Variants in ZNF704 observed in about 807,000 individuals in gnomAD.
ZNF704 encodes zinc finger protein 704, also known as glucocorticoid induced gene 1.
ZNF704 carries 10 observed loss-of-function variants against 44.7 expected under a neutral mutation model. The observed-to-expected ratio is 0.22, with a 90% CI of 0.14 to 0.38. The LOEUF (loss-of-function observed/expected upper bound fraction) is 0.38, where lower values mean the gene tolerates loss of function less well. ZNF704 is among the 10% of genes least tolerant of loss of function. The probability of loss-of-function intolerance (pLI) is 1.00; values close to 1 mark genes in which losing one functional copy is unlikely to be tolerated. For synonymous variants in ZNF704, 211 were observed against 207.6 expected, an observed-to-expected ratio of 1.02 and a Z score of -0.14; for missense variants, 390 against 545.5, an observed-to-expected ratio of 0.71 and a Z score of 2.84.
chr8:80,780,220 T>C (rs1345743292), intron 2 of ZNF704, among the ~76,000 whole-genome samples: 1 of 151,856 alleles, frequency 6.6e-6, no homozygotes. Context: ...GAGAAAGAAA[T>C]GGAAAATACG....
chr8:80,808,143 AC>A (rs1808021764), intron 2 of ZNF704, among the ~76,000 whole-genome samples: 1 of 152,228 alleles, frequency 6.6e-6, no homozygotes, highest in African/African-American at 2.4e-5. Context: ...GCAGAACTCC[AC>A]AATTCCTCCC....
At chr8:80,818,979 A>C (rs1023316591) in intron 2 of ZNF704, among the ~76,000 whole-genome samples, 6 of 152,096 alleles carry the variant, frequency 3.9e-5, no homozygotes, top group African/African-American at 7.2e-5. Flanking sequence ...TTCCCTCATC[A>C]TCATTTTTTT....
At chr8:80,644,885 G>T (rs1000141489) in intron 7 of ZNF704, 4 of 797,502 alleles carry the variant, frequency 5.0e-6, no homozygotes, top group Admixed American at 2.0e-5. Flanking sequence ...ATGTTAGGAA[G>T]TAAGGACAGC....
Position 80,641,142 on chromosome 8 carries a change from G to A in ZNF704, c.*224C>T, listed in dbSNP as rs1817736210. ...TTTGAAGGAAAAAAAACTAGTTATA[G>A]CTGCTCCAAGCTGGGTTCTCAGTAA... On this transcript the variant is annotated 3_prime_UTR_variant, in exon 9 of 9. Transcript: ENST00000327835. 5.5e-6 allele frequency: 2 copies of A among 364,662 alleles called. No homozygotes were observed. Among genetic ancestry groups the A allele is most frequent in the Non-Finnish European group, 4.9e-6 (1 of 203,618 alleles). The allele number at this position is 364,662 out of a possible 1,614,324, so 22.6% of individuals were successfully genotyped here. A position where few individuals can be genotyped will look rare whatever the true frequency, so the allele number is the denominator to read the frequency against.
At chr8:80,642,726 T>G (rs1817762726) in intron 8 of ZNF704, among the ~76,000 whole-genome samples, 1 of 152,212 alleles carries the variant, frequency 6.6e-6, no homozygotes, top group Non-Finnish European at 1.5e-5. Context: ...AAATTGTATC[T>G]TATAGTTCAT....
At chr8:80,676,102 T>G (rs181548173) in intron 4 of ZNF704, among the ~76,000 whole-genome samples, 1 of 152,334 alleles carries the variant, frequency 6.6e-6, no homozygotes, top group African/African-American at 2.4e-5. Flanking sequence ...TTCCTTGGAT[T>G]TGGCATATGG....
chr8:80,705,205 G>A (rs1818876644), intron 2 of ZNF704, among the ~76,000 whole-genome samples: 1 of 152,182 alleles, frequency 6.6e-6, no homozygotes, highest in Admixed American at 6.5e-5. Flanking sequence ...CTGCCACTGA[G>A]GCTGCATATG....
At chr8:80,693,224 G>A (rs2131637499) in intron 2 of ZNF704, 117 bp from the exon 3 acceptor site, 2 of 813,168 alleles carry the variant, frequency 2.5e-6, no homozygotes, top group Non-Finnish European at 4.1e-6. Context: ...AACAACCGAT[G>A]TTCTGTTAGC....
At chr8:80,675,937 G>A (rs1818358448) in intron 4 of ZNF704, among the ~76,000 whole-genome samples, 1 of 151,950 alleles carries the variant, frequency 6.6e-6, no homozygotes, top group South Asian at 2.1e-4. Flanking sequence ...AGATGATTAG[G>A]GTGCACTGCA....
At chr8:80,824,395 C>G (rs991529377) in intron 1 of ZNF704, among the ~76,000 whole-genome samples, 1 of 152,094 alleles carries the variant, frequency 6.6e-6, no homozygotes, top group South Asian at 2.1e-4. Context: ...TAAAAAGAAA[C>G]AAACAAAGCC....
At chr8:80,880,687 T>G in the ZNF704 span, among the ~76,000 whole-genome samples, 2 of 152,248 alleles carry the variant, frequency 1.3e-5, no homozygotes, top group Non-Finnish European at 2.9e-5. Context: ...AATATTTTTA[T>G]AACCTCTAGG....
chr8:80,659,985 A>T (rs1390248347), intron 6 of ZNF704, among the ~76,000 whole-genome samples: 1 of 152,220 alleles, frequency 6.6e-6, no homozygotes, highest in African/African-American at 2.4e-5. Flanking sequence ...GTGAGGTAGA[A>T]TTCTTCACTA....
chr8:80,674,854 T>C (rs1034767294), intron 4 of ZNF704, among the ~76,000 whole-genome samples: 2 of 152,172 alleles, frequency 1.3e-5, no homozygotes, highest in East Asian at 1.9e-4. Flanking sequence ...GTAGAAAATA[T>C]CTTCCACTTA....
intron 2 of ZNF704, among the ~76,000 whole-genome samples, chr8:80,779,919 T>TATA (rs1807488944): frequency 1.3e-5 from 2 of 150,114 alleles, no homozygotes; most frequent in East Asian, 3.9e-4. Flanking sequence ...ATATTAATAT[T>TATA]ATAATAATAA....
chr8:80,725,411 T>G, intron 2 of ZNF704, among the ~76,000 whole-genome samples: 1 of 152,188 alleles, frequency 6.6e-6, no homozygotes, highest in East Asian at 1.9e-4. Context: ...TCAGTGGGCC[T>G]CCTGTATTTT....
rs2131589322 is a variant in ZNF704 at position 80,643,035 on chromosome 8, C to T, written c.1127G>A (p.Arg376Lys). 6.3e-7 allele frequency: 1 copy of T among 1,580,458 alleles called. No homozygotes were observed. The highest frequency in any genetic ancestry group is 1.2e-5 in the South Asian group (1 of 86,120). ...TGTGGAGTTTTTTAAGCTGTCGTACCTTAAGCTGACTGTGCCTCTGGGTGG... is the reference window on the plus strand; with the variant it reads ...TGTGGAGTTTTTTAAGCTGTCGTACTTTAAGCTGACTGTGCCTCTGGGTGG... ...SSPPRGTVSL[R>K]KPRGEGKKCR... Residue 376 changes from arginine (R) to lysine (K), a missense_variant and splice_region_variant, in exon 8 of 9, where the codon AGG (arginine) becomes AAG (lysine). By Grantham distance (26) the Arg-to-Lys change is conservative (BLOSUM62 2). This residue lies in a region of ZNF704 where 305 missense variants were observed against 435.7 expected (regional missense o/e 0.70). Transcript: ENST00000327835.
At position 80,632,318 on chromosome 8, in the gene ZNF704, C is replaced by T. The variant is rs1817600480; in HGVS notation, c.*9048G>A. The T allele has an allele frequency of 6.6e-6, 1 of 152,178 alleles. No homozygotes were observed. Among genetic ancestry groups the T allele is most frequent in the Non-Finnish European group, 1.5e-5 (1 of 68,036 alleles). The allele number at this position is 152,178 out of a possible 1,614,324, so 9.4% of individuals were successfully genotyped here. On this transcript the variant is annotated 3_prime_UTR_variant, in exon 9 of 9. Coordinates refer to ENST00000327835, the MANE Select transcript of ZNF704 (RefSeq NM_001033723.3). Reference sequence around the variant, plus strand: ...GGAATTACAGGTGTGCGCCACCACGCCCGACTAATTTTTGTATTTTTAGTA... The same window carrying T: ...GGAATTACAGGTGTGCGCCACCACGTCCGACTAATTTTTGTATTTTTAGTA...
chr8:80,657,673 G>A (rs1818037499), intron 7 of ZNF704, among the ~76,000 whole-genome samples: 1 of 148,424 alleles, frequency 6.7e-6, no homozygotes, highest in Non-Finnish European at 1.5e-5. Flanking sequence ...CCTGGGTCAT[G>A]GACTGAGACC....
chr8:80,662,414 C>T (rs1375251857), intron 6 of ZNF704, among the ~76,000 whole-genome samples: 4 of 152,126 alleles, frequency 2.6e-5, no homozygotes, highest in Non-Finnish European at 5.9e-5. Context: ...CCAACTCTCT[C>T]ATTATATAGA....
Sources: allele counts gnomAD v4.1 joint callset (sites outside exome capture counted in the v4.1 genomes callset), GRCh38; gene constraint gnomAD v4.1.1; regional missense constraint gnomAD v4.1.1; transcripts MANE v1.5; gene names NCBI Gene and HGNC (gene_info 2026-07-23, HGNC 2026-07-21).